The following GBA1 variants were observed in gnomAD, a reference collection of about 807,000 sequenced individuals.
The protein encoded by GBA1 is glucosylceramidase beta 1.
the GBA1 span, chr1:155,240,122 T>C: frequency 6.4e-6 from 10 of 1,551,836 alleles, no homozygotes; most frequent in African/African-American, 1.2e-4. Flanking sequence ...GATGAAGACA[T>C]GGAGAATGGA....
chr1:155,240,594 C>A, the GBA1 span: 1 of 1,494,408 alleles, frequency 6.7e-7, no homozygotes, highest in Non-Finnish European at 9.3e-7. Flanking sequence ...AGAAGGGAGG[C>A]TCTGTGCTAC....
At chr1:155,236,676 T>C in the GBA1 span, among the ~76,000 whole-genome samples, 1 of 151,796 alleles carries the variant, frequency 6.6e-6, no homozygotes, top group Non-Finnish European at 1.5e-5. Flanking sequence ...CAGCCTTGAC[T>C]TCCTAGGGTC....
At chr1:155,238,171 C>T in the GBA1 span, 1 of 1,614,210 alleles carries the variant, frequency 6.2e-7, no homozygotes, top group South Asian at 1.1e-5. Context: ...TGGTAGATGT[C>T]TCCGGGCTGT....
the GBA1 span, among the ~76,000 whole-genome samples, chr1:155,241,447 G>C: frequency 6.6e-6 from 1 of 152,178 alleles, no homozygotes; most frequent in Non-Finnish European, 1.5e-5. Flanking sequence ...CATGGAGAAT[G>C]GGGTAGAGGC....
chr1:155,240,144 G>T, the GBA1 span: 1 of 1,442,286 alleles, frequency 6.9e-7, no homozygotes, highest in Non-Finnish European at 9.7e-7. Flanking sequence ...ACATCTGCTA[G>T]GAGAGACTGA....
the GBA1 span, chr1:155,239,470 G>C: frequency 1.2e-6 from 1 of 855,650 alleles, no homozygotes; most frequent in Non-Finnish European, 1.9e-6. Flanking sequence ...GGCAGAGGTT[G>C]CTGTGAGGGG....
At chr1:155,238,152 C>T in the GBA1 span, 1 of 1,614,038 alleles carries the variant, frequency 6.2e-7, no homozygotes, top group Non-Finnish European at 8.5e-7. Flanking sequence ...GTATCTGGCC[C>T]AGGTCTGGTG....
the GBA1 span, chr1:155,235,865 A>G: frequency 6.8e-6 from 11 of 1,614,118 alleles, no homozygotes; most frequent in Non-Finnish European, 9.3e-6. Flanking sequence ...GACAAAGGCA[A>G]AGAGACAAAG....
the GBA1 span, chr1:155,240,197 C>T: frequency 1.2e-6 from 1 of 865,956 alleles, no homozygotes; most frequent in Non-Finnish European, 1.8e-6. Context: ...GGCGCAGGGG[C>T]TCACACCTGT....
chr1:155,238,821 G>A, the GBA1 span: 26 of 705,032 alleles, frequency 3.7e-5, no homozygotes, highest in East Asian at 5.5e-5. Flanking sequence ...GCCTTTCTGA[G>A]CCTGAGTCCG....
At chr1:155,240,644 A>G in the GBA1 span, 2 of 1,613,542 alleles carry the variant, frequency 1.2e-6, no homozygotes, top group South Asian at 2.2e-5. Context: ...TGCCCACGAC[A>G]CTGCCTGAAG....
chr1:155,237,781 A>T, the GBA1 span, among the ~76,000 whole-genome samples: 1 of 152,100 alleles, frequency 6.6e-6, no homozygotes, highest in Non-Finnish European at 1.5e-5. Context: ...AGGCGCCTAT[A>T]ATCCCAGCTA....
the GBA1 span, among the ~76,000 whole-genome samples, chr1:155,243,698 C>T: frequency 2.0e-5 from 3 of 152,126 alleles, no homozygotes; most frequent in African/African-American, 4.8e-5. Context: ...CTCCTAAACT[C>T]AAAGGATCCT....
At chr1:155,242,037 G>A in the GBA1 span, among the ~76,000 whole-genome samples, 4 of 152,186 alleles carry the variant, frequency 2.6e-5, no homozygotes, top group African/African-American at 2.4e-5. Flanking sequence ...CACATCAAAT[G>A]AGATTTAGCG....
the GBA1 span, among the ~76,000 whole-genome samples, chr1:155,243,227 G>A: frequency 6.6e-6 from 1 of 152,310 alleles, no homozygotes; most frequent in South Asian, 2.1e-4. Flanking sequence ...GCTTCACTAT[G>A]TCAGTAGCCA....
chr1:155,239,227 A>C, the GBA1 span, among the ~76,000 whole-genome samples: 1 of 151,788 alleles, frequency 6.6e-6, no homozygotes, highest in Non-Finnish European at 1.5e-5. Flanking sequence ...CAAAAAAAAA[A>C]AAAGAAAAAA....
the GBA1 span, chr1:155,238,924 A>G: frequency 2.2e-5 from 10 of 455,118 alleles, no homozygotes; most frequent in Middle Eastern, 6.8e-4. Context: ...TCAGGGTCCA[A>G]AGAAAGGGCA....
chr1:155,235,234 A>C, the GBA1 span: 1 of 1,613,726 alleles, frequency 6.2e-7, no homozygotes, highest in Non-Finnish European at 8.5e-7. Context: ...ATCGGGATGC[A>C]TCAGTGCCAC....
chr1:155,238,206 A>C, the GBA1 span: 9 of 1,613,832 alleles, frequency 5.6e-6, no homozygotes, highest in East Asian at 2.2e-5. Context: ...CTTCCCATTC[A>C]CCGCTCCATT....
Sources: gnomAD v4.1 joint callset for allele counts (sites outside exome capture counted in the v4.1 genomes callset) on GRCh38, gnomAD v4.1.1 for gene constraint, MANE v1.5 for transcripts, NCBI Gene and HGNC (gene_info 2026-07-23, HGNC 2026-07-21) for gene names.